The following SUPT3H variants were observed in gnomAD, a reference collection of about 807,000 sequenced individuals.
SUPT3H encodes the protein SPT3 homolog, SAGA and STAGA complex component, also known as transcription initiation protein SPT3 homolog.
A neutral mutation model predicts 44.3 loss-of-function variants in SUPT3H; 44 were observed. The observed-to-expected ratio is 0.99, with a 90% confidence interval of 0.78 to 1.28. The LOEUF (loss-of-function observed/expected upper bound fraction) is 1.28. Among genes scored for constraint, SUPT3H ranks in the 50% most tolerant of loss-of-function variants. The probability of loss-of-function intolerance (pLI) is 0.00; values close to 1 mark genes in which losing one functional copy is unlikely to be tolerated. For synonymous variants in SUPT3H, 124 were observed against 125.6 expected (o/e 0.99, Z 0.09); for missense variants, 380 against 387.1 (o/e 0.98, Z 0.15).
intron 2 of SUPT3H, among the ~76,000 whole-genome samples, chr6:45,303,635 T>G (rs555817706): frequency 6.9e-6 from 1 of 144,272 alleles, no homozygotes; most frequent in Non-Finnish European, 1.5e-5. Flanking sequence ...CAGTCCATTC[T>G]ATTTAATAGA....
intron 6 of SUPT3H, among the ~76,000 whole-genome samples, chr6:44,988,189 C>T (rs1223824163): frequency 2.0e-5 from 3 of 151,748 alleles, no homozygotes; most frequent in Non-Finnish European, 2.9e-5. Context: ...AAAAAAATTT[C>T]GGAGACTAAG....
At chr6:45,042,921 G>T (rs1249799294) in intron 3 of SUPT3H, among the ~76,000 whole-genome samples, 1 of 152,068 alleles carries the variant, frequency 6.6e-6, no homozygotes, top group Non-Finnish European at 1.5e-5. Flanking sequence ...ACTGCTAGAA[G>T]CTAAGTTATA....
Position 45,063,426 on chromosome 6 carries a change from C to A in SUPT3H, c.186+42496G>T, listed in dbSNP as rs9463063. ...TCTCTCCTCCTCCAAAGGAACGCAG[C>A]TCCTCACCAGCAACGGAACAAAGCT... On this transcript the variant is annotated intron_variant, in intron 3 of 10. Coordinates refer to ENST00000371459, the MANE Select transcript of SUPT3H (RefSeq NM_003599.4). 2.0e-5 allele frequency among the ~76,000 whole-genome samples: 3 copies of A among 147,948 alleles called. No homozygotes were observed. In the East Asian group the frequency reaches 5.9e-4, roughly 29 times the overall value.
chr6:44,909,929 C>A (rs1460097290), intron 10 of SUPT3H, among the ~76,000 whole-genome samples: 1 of 152,194 alleles, frequency 6.6e-6, no homozygotes, highest in African/African-American at 2.4e-5. Flanking sequence ...TGAGAACTCT[C>A]ACGAATTGCT....
At chr6:45,328,823 C>A (rs759589049) in intron 2 of SUPT3H, 8 of 1,588,088 alleles carry the variant, frequency 5.0e-6, no homozygotes, top group South Asian at 1.1e-5. Context: ...AAGATATGAA[C>A]CTGTTAAACA....
intron 6 of SUPT3H, among the ~76,000 whole-genome samples, chr6:44,984,791 G>A (rs1328261958): frequency 3.3e-5 from 5 of 152,006 alleles, no homozygotes; most frequent in African/African-American, 1.2e-4. Flanking sequence ...TTAACCATCA[G>A]GGCATTGCCA....
intron 2 of SUPT3H, among the ~76,000 whole-genome samples, chr6:45,121,518 T>TGG (rs35707096): frequency 0.029 from 4,078 of 142,380 alleles, 67 homozygotes; most frequent in Middle Eastern, 0.044. Flanking sequence ...TGAAATTATG[T>TGG]GGGGGGGGGG....
rs190603599 is a variant in SUPT3H, at chr6:45,079,212, A to G, written c.186+26710T>C. ...GTAGTCCCAGCTACTTGGGAGGCTG[A>G]GGCAGGAGAATCGCTTGAACCTGGG... On this transcript the variant is annotated intron_variant, in intron 3 of 10. Transcript: ENST00000371459. 2.0e-3 allele frequency among the ~76,000 whole-genome samples: 297 copies of G among 152,268 alleles called. 3 individuals carry two copies. Among genetic ancestry groups the G allele is most frequent in the African/African-American group, 6.8e-3 (284 of 41,568 alleles).
intron 10 of SUPT3H, among the ~76,000 whole-genome samples, chr6:44,905,312 A>C (rs939879025): frequency 6.6e-6 from 1 of 152,228 alleles, no homozygotes; most frequent in South Asian, 2.1e-4. Flanking sequence ...ATGATCTCCA[A>C]CAATTTACAA....
intron 2 of SUPT3H, among the ~76,000 whole-genome samples, chr6:45,301,090 G>A (rs921114928): frequency 6.6e-6 from 1 of 152,084 alleles, no homozygotes; most frequent in Non-Finnish European, 1.5e-5. Context: ...AAGATCTCTG[G>A]GGTTTCTGGG....
At chr6:44,961,197 A>G (rs1775968125) in intron 7 of SUPT3H, among the ~76,000 whole-genome samples, 1 of 152,212 alleles carries the variant, frequency 6.6e-6, no homozygotes, top group Non-Finnish European at 1.5e-5. Context: ...ATGTGAAAGT[A>G]CTAATTTTAC....
At chr6:44,982,516 G>A (rs919384526) in intron 6 of SUPT3H, among the ~76,000 whole-genome samples, 11 of 152,126 alleles carry the variant, frequency 7.2e-5, no homozygotes, top group South Asian at 2.1e-4. Flanking sequence ...TGCCCAGCCC[G>A]ATTCTTTATA....
chr6:45,036,299 A>T (rs1787667073), intron 3 of SUPT3H, among the ~76,000 whole-genome samples: 1 of 152,124 alleles, frequency 6.6e-6, no homozygotes, highest in Non-Finnish European at 1.5e-5. Flanking sequence ...CAAAGGGAAT[A>T]GGAAGTGCAA....
chr6:45,246,276 T>C (rs896170944), intron 2 of SUPT3H, among the ~76,000 whole-genome samples: 10 of 152,188 alleles, frequency 6.6e-5, no homozygotes, highest in African/African-American at 2.4e-4. Flanking sequence ...TAAATTTTAA[T>C]GATGTCTAAT....
intron 1 of SUPT3H, among the ~76,000 whole-genome samples, chr6:45,366,138 T>C (rs77827430): frequency 3.9e-5 from 6 of 152,332 alleles, no homozygotes; most frequent in African/African-American, 1.4e-4. Flanking sequence ...TTTCATATGC[T>C]TGCATAAACT....
At chr6:45,246,682 C>A (rs1562785046) in intron 2 of SUPT3H, among the ~76,000 whole-genome samples, 1 of 152,222 alleles carries the variant, frequency 6.6e-6, no homozygotes, top group East Asian at 1.9e-4. Flanking sequence ...AAGGAAGGTA[C>A]CTGTGAAATC....
chr6:45,292,374 T>C (rs941277715), intron 2 of SUPT3H, among the ~76,000 whole-genome samples: 2 of 151,676 alleles, frequency 1.3e-5, no homozygotes, highest in African/African-American at 2.4e-5. Context: ...AAAACAAAAA[T>C]ACAATTTTAA....
chr6:45,127,109 T>C (rs1252416445), intron 2 of SUPT3H, among the ~76,000 whole-genome samples: 4 of 152,046 alleles, frequency 2.6e-5, no homozygotes, highest in Non-Finnish European at 4.4e-5. Flanking sequence ...AGGTCAGGAG[T>C]TCGAGACCAG....
At chr6:44,905,902 T>C (rs549971133) in intron 10 of SUPT3H, among the ~76,000 whole-genome samples, 13 of 152,248 alleles carry the variant, frequency 8.5e-5, no homozygotes, top group African/African-American at 3.1e-4. Context: ...GAAACCATCA[T>C]TCTCAGCAAA....
Sources: allele counts gnomAD v4.1 joint callset (sites outside exome capture counted in the v4.1 genomes callset), GRCh38; gene constraint gnomAD v4.1.1; transcripts MANE v1.5; gene names NCBI Gene and HGNC (gene_info 2026-07-23, HGNC 2026-07-21).